Variants in BRMS1L observed in about 807,000 individuals in gnomAD.
The protein encoded by BRMS1L is BRMS1 like transcriptional repressor, also known as breast cancer metastasis-suppressor 1-like protein.
Under a neutral mutation model 50.3 loss-of-function variants are expected in BRMS1L, and 23 were observed. The ratio of observed to expected loss-of-function variants is 0.46; its 90% CI spans 0.33 to 0.65. The LOEUF (loss-of-function observed/expected upper bound fraction) is 0.65, where lower values mean the gene tolerates loss of function less well. Ranked by LOEUF, BRMS1L falls within the 30% of genes least tolerant of loss-of-function variation. The pLI, the probability that BRMS1L is intolerant of heterozygous loss-of-function variation, is 0.02. For synonymous variants in BRMS1L, 114 were observed against 126.9 expected, an observed-to-expected ratio of 0.90 and a Z score of 0.69; for missense variants, 286 against 386.1, an observed-to-expected ratio of 0.74 and a Z score of 2.17.
chr14:35,854,546 T>C (rs2078255480), intron 4 of BRMS1L, among the ~76,000 whole-genome samples: 1 of 152,198 alleles, frequency 6.6e-6, no homozygotes, highest in Admixed American at 6.5e-5. Flanking sequence ...TGAACTCGTA[T>C]TTTCCTTCAG....
At chr14:35,848,940 A>G (rs1177668038) in intron 4 of BRMS1L, among the ~76,000 whole-genome samples, 1 of 152,218 alleles carries the variant, frequency 6.6e-6, no homozygotes, top group Non-Finnish European at 1.5e-5. Context: ...GGGAGTGCAG[A>G]TATCTTTGAC....
chr14:35,832,248 T>C (rs1383346664), intron 2 of BRMS1L, among the ~76,000 whole-genome samples: 1 of 145,630 alleles, frequency 6.9e-6, no homozygotes, highest in Non-Finnish European at 1.5e-5. Flanking sequence ...CTTACGCCTG[T>C]AATCCCAGCA....
chr14:35,835,346 GA>G (rs967119454), intron 4 of BRMS1L, among the ~76,000 whole-genome samples: 43 of 151,802 alleles, frequency 2.8e-4, no homozygotes, highest in Middle Eastern at 3.4e-3. Flanking sequence ...CTATTTATGG[GA>G]AAAAAAATAG....
Position 35,826,448 on chromosome 14 carries a change from G to C in BRMS1L, c.-69G>C. 6.5e-7 allele frequency: 1 copy of C among 1,545,462 alleles called. No individual in the cohort carries two copies. Among genetic ancestry groups the C allele is most frequent in the Non-Finnish European group, 8.7e-7 (1 of 1,145,646 alleles). ...GGCTGGGTGGGTTGGGGCGTTCCGC[G>C]CGCCCTTCATTGAAGCGGCGGTGGC... is the stretch of plus-strand genomic sequence containing the variant. On this transcript the variant is annotated 5_prime_UTR_variant, in exon 1 of 10. Transcript: ENST00000216807.
chr14:35,828,807 A>T (rs1343924329), intron 1 of BRMS1L, among the ~76,000 whole-genome samples: 1 of 152,160 alleles, frequency 6.6e-6, no homozygotes, highest in Non-Finnish European at 1.5e-5. Context: ...CCCAACTGAC[A>T]AATGGAAATG....
rs907227140 is a variant in BRMS1L at position 35,870,558 on chromosome 14, T to C, written c.*81T>C. On this transcript the variant is annotated 3_prime_UTR_variant, in exon 10 of 10. Transcript: ENST00000216807. ...CATGAGAGTAAAAAAATGTATTCAATAACTTAATATTCTCACTGAATCATG... is the reference window on the plus strand; with the variant it reads ...CATGAGAGTAAAAAAATGTATTCAACAACTTAATATTCTCACTGAATCATG... The C allele has an allele frequency of 6.9e-5, 53 of 773,200 alleles. No individual in the cohort carries two copies. Among genetic ancestry groups the C allele is most frequent in the Non-Finnish European group, 1.1e-4 (52 of 461,570 alleles). 47.9% of individuals were successfully genotyped at this position (773,200 alleles called of 1,614,324 possible).
Position 35,826,603 on chromosome 14 carries a change from C to T in BRMS1L, c.87C>T (p.Ser29=), listed in dbSNP as rs1297852764. 1 of 1,612,072 alleles carries T rather than the reference C, an allele frequency of 6.2e-7. No individual in the cohort carries two copies. The highest frequency in any genetic ancestry group is 1.1e-5 in the South Asian group (1 of 90,358). Residue 29 remains serine (S), a synonymous_variant, in exon 1 of 10, where the codon AGC becomes AGT. Transcript: ENST00000216807. ...EVDYAENEGS[S]SEDEDTESSS... ...ACTACGCCGAAAATGAGGGGAGCAG[C>T]TCCGAGGACGAGGACACTGAGAGCT...
intron 1 of BRMS1L, among the ~76,000 whole-genome samples, chr14:35,828,748 G>A (rs1422815977): frequency 6.6e-6 from 1 of 152,018 alleles, no homozygotes; most frequent in African/African-American, 2.4e-5. Flanking sequence ...GAGCCACCGT[G>A]CCTGGCCGAC....
chr14:35,828,287 C>G (rs1595656758), intron 1 of BRMS1L, among the ~76,000 whole-genome samples: 1 of 151,662 alleles, frequency 6.6e-6, no homozygotes, highest in Middle Eastern at 3.4e-3. Flanking sequence ...ATTCTCCTGC[C>G]TTAGCCTCCC....
rs1368413912 is a variant in BRMS1L at position 35,851,365 on chromosome 14, C to G, written c.442-11225C>G. Among the ~76,000 whole-genome samples the G allele has an allele frequency of 3.8e-5, 5 of 132,262 alleles. No individual in the cohort carries two copies. The East Asian group carries it at 1.3e-3, about 33-fold the overall frequency. 86.8% of individuals were successfully genotyped at this position (132,262 alleles called of 152,430 possible). The stretch of plus-strand genomic sequence containing the variant: ...TTGACATGAAGTGATTTCCAGATGT[C>G]TAAACAAAAAAGCATGCCAAAAAAA... On this transcript the variant is annotated intron_variant, in intron 4 of 9. Coordinates refer to ENST00000216807, the MANE Select transcript of BRMS1L (RefSeq NM_032352.4).
intron 4 of BRMS1L, among the ~76,000 whole-genome samples, chr14:35,847,393 G>A (rs1463186185): frequency 1.3e-5 from 2 of 151,994 alleles, no homozygotes; most frequent in Non-Finnish European, 2.9e-5. Flanking sequence ...CCACAAACTC[G>A]AGCTCAAATG....
chr14:35,830,700 A>G (rs1249372877), intron 1 of BRMS1L, among the ~76,000 whole-genome samples: 1 of 152,178 alleles, frequency 6.6e-6, no homozygotes, highest in Non-Finnish European at 1.5e-5. Context: ...CCATGTGAGC[A>G]GTTCTGAAAG....
chr14:35,841,408 C>T (rs112782024), intron 4 of BRMS1L, among the ~76,000 whole-genome samples: 6 of 152,116 alleles, frequency 3.9e-5, no homozygotes, highest in African/African-American at 1.4e-4. Context: ...ACGCCATTCT[C>T]CTGCCTCAGC....
chr14:35,870,371 C>A lies in BRMS1L; in HGVS notation c.866C>A (p.Thr289Lys). 2 of 1,580,082 alleles carry A rather than the reference C, an allele frequency of 1.3e-6. No individual in the cohort carries two copies. Among genetic ancestry groups the A allele is most frequent in the Non-Finnish European group, 1.7e-6 (2 of 1,158,158 alleles). The change falls in exon 10 of 10, where the codon ACA becomes AAA. Residue 289 changes from threonine to lysine, a missense_variant. By Grantham distance (78) the Thr-to-Lys change is moderately conservative. This residue lies in a region of BRMS1L where 49 missense variants were observed against 39.1 expected (regional missense o/e 1.25). Coordinates refer to ENST00000216807, the MANE Select transcript of BRMS1L (RefSeq NM_032352.4). The part of the protein sequence containing the change: ...KDECPTSAVI[T>K]TINHDEVWFK... Reference sequence around the variant, plus strand: ...TTTTTTCTTTTTAGTGCTGTAATTACAACAATTAACCATGATGAAGTTTGG... The same window carrying A: ...TTTTTTCTTTTTAGTGCTGTAATTAAAACAATTAACCATGATGAAGTTTGG...
chr14:35,840,533 G>T (rs2078049760), intron 4 of BRMS1L, among the ~76,000 whole-genome samples: 1 of 152,122 alleles, frequency 6.6e-6, no homozygotes, highest in African/African-American at 2.4e-5. Context: ...ATTAATTAGT[G>T]CATCAGTTTC....
At chr14:35,856,611 T>TGGGGG (rs367579267) in intron 4 of BRMS1L, among the ~76,000 whole-genome samples, 5 of 149,508 alleles carry the variant, frequency 3.3e-5, no homozygotes, top group African/African-American at 1.2e-4. Flanking sequence ...TACATTTTTT[T>TGGGGG]GGGGGGGGGT....
At chr14:35,846,461 G>A (rs1566420333) in intron 4 of BRMS1L, among the ~76,000 whole-genome samples, 1 of 150,978 alleles carries the variant, frequency 6.6e-6, no homozygotes, top group South Asian at 2.1e-4. Flanking sequence ...TAGTTTTCAT[G>A]TCTTTTTAGT....
At chr14:35,845,943 A>C (rs1209371719) in intron 4 of BRMS1L, among the ~76,000 whole-genome samples, 2 of 152,180 alleles carry the variant, frequency 1.3e-5, no homozygotes, top group Non-Finnish European at 2.9e-5. Flanking sequence ...TGTCATACTC[A>C]ATAAGTTGTA....
chr14:35,841,308 G>T (rs1227398552), intron 4 of BRMS1L, among the ~76,000 whole-genome samples: 1 of 151,518 alleles, frequency 6.6e-6, no homozygotes, highest in African/African-American at 2.4e-5. Context: ...TAAATTTTAT[G>T]TTATTTTATT....
Sources: allele counts gnomAD v4.1 joint callset (sites outside exome capture counted in the v4.1 genomes callset), GRCh38; gene constraint gnomAD v4.1.1; regional missense constraint gnomAD v4.1.1; transcripts MANE v1.5; gene names NCBI Gene and HGNC (gene_info 2026-07-23, HGNC 2026-07-21).